The following PCDHA4 variants were observed in gnomAD, a reference collection of about 807,000 sequenced individuals.
PCDHA4 encodes the protein protocadherin alpha-4.
PCDHA4 carries 49 observed loss-of-function variants against 61.4 expected under a neutral mutation model. That is an observed-to-expected ratio of 0.80 (90% CI 0.63 to 1.01). The LOEUF (loss-of-function observed/expected upper bound fraction) is 1.01. PCDHA4 is among the 50% of genes least tolerant of loss of function. PCDHA4 has a pLI of 0.00. For synonymous variants in PCDHA4, 590 were observed against 550.3 expected (o/e 1.07, Z -1.01); for missense variants, 1,254 against 1,235.8 (o/e 1.01, Z -0.22).
At chr5:140,927,133 G>A (rs2083881073) in intron 1 of PCDHA4, 16 of 1,613,984 alleles carry the variant, frequency 9.9e-6, no homozygotes, top group Non-Finnish European at 1.4e-5. Context: ...CAGAGAGCCG[G>A]CGGACCGCGA....
At chr5:140,972,691 G>A (rs1213069719) in intron 1 of PCDHA4, among the ~76,000 whole-genome samples, 3 of 137,348 alleles carry the variant, frequency 2.2e-5, no homozygotes, top group Admixed American at 1.5e-4. Flanking sequence ...TTGAGATGGA[G>A]TCTCACTCTG....
chr5:140,823,029 G>A lies in PCDHA4; in HGVS notation c.2385+13457G>A, dbSNP rs2150121512. 5.3e-5 allele frequency: 85 copies of A among 1,614,220 alleles called. No homozygotes were observed. In the Middle Eastern group the frequency reaches 8.3e-4, roughly 16 times the overall value. On this transcript the variant is annotated intron_variant, in intron 1 of 3. Coordinates refer to ENST00000530339, the MANE Select transcript of PCDHA4 (RefSeq NM_018907.4). ...GCGCCCTGGACCGCGAGAGCGTGTC[G>A]GTCTATGAGCTGGTGGTGACCGCGC...
chr5:140,829,656 C>A (rs2150172140), intron 1 of PCDHA4: 1 of 1,612,578 alleles, frequency 6.2e-7, no homozygotes, highest in Admixed American at 1.7e-5. Context: ...GCGCTGCAGC[C>A]GCTGGACCAC....
In PCDHA4 at chr5:140,973,293, A is replaced by G. The variant is rs150966135; in HGVS notation, c.2386-5656A>G. Among the ~76,000 whole-genome samples, 103 of 152,230 alleles carry G rather than the reference A, an allele frequency of 6.8e-4. No homozygotes were observed. The East Asian group carries it at 0.019, about 27-fold the overall frequency. On this transcript the variant is annotated intron_variant, in intron 1 of 3. Transcript: ENST00000530339. ...TATTTCCCCCAGCACTGATTTTTCT[A>G]TCTGATGACTCTATCCTGGAACAGA...
rs202032784 is a variant in PCDHA4, at chr5:140,927,180, C to T, written c.2386-51769C>T. On this transcript the variant is annotated intron_variant, in intron 1 of 3. Coordinates refer to ENST00000530339, the MANE Select transcript of PCDHA4 (RefSeq NM_018907.4). ...GGGCCAAAGCTGCCTGCGTCTTGAC[C>T]TACGACCTGGTGCTCGAGGACCCGC... is the stretch of plus-strand genomic sequence containing the variant. 5 of 1,614,048 alleles carry T rather than the reference C, an allele frequency of 3.1e-6. No homozygotes were observed. The South Asian group carries it at 3.3e-5, about 11-fold the overall frequency.
At chr5:140,857,947 G>C in intron 1 of PCDHA4, 1 of 1,597,414 alleles carries the variant, frequency 6.3e-7, no homozygotes, top group Non-Finnish European at 8.6e-7. Flanking sequence ...TCAGTACGAC[G>C]CGCGCTCTGG....
intron 1 of PCDHA4, among the ~76,000 whole-genome samples, chr5:140,838,077 A>AGTGTGTGTGT (rs57130401): frequency 1.2e-5 from 1 of 80,662 alleles, no homozygotes; most frequent in Non-Finnish European, 2.4e-5. Flanking sequence ...ATATATATAT[A>AGTGTGTGTGT]GTGTGTGTGT....
intron 1 of PCDHA4, among the ~76,000 whole-genome samples, chr5:140,873,569 G>A (rs1419596036): frequency 6.7e-6 from 1 of 148,974 alleles, no homozygotes; most frequent in African/African-American, 2.4e-5. Context: ...TTCTAGTTTG[G>A]TTGTTTAAGT....
At chr5:140,966,313 C>T (rs1349194825) in intron 1 of PCDHA4, 18 of 386,704 alleles carry the variant, frequency 4.7e-5, no homozygotes, top group African/African-American at 2.5e-4. Flanking sequence ...CGTGTTCCTG[C>T]GGTCCGCTGG....
At chr5:140,944,995 T>A (rs246062) in intron 1 of PCDHA4, among the ~76,000 whole-genome samples, 85,717 of 151,900 alleles carry the variant, frequency 0.56, 24,795 homozygotes, top group African/African-American at 0.69. Flanking sequence ...TCTGTAACGG[T>A]TGTGGGTCAT....
chr5:141,011,104 C>A lies in PCDHA4; in HGVS notation c.*1167C>A, dbSNP rs1396728499. On this transcript the variant is annotated 3_prime_UTR_variant, in exon 4 of 4. Transcript: ENST00000530339. ...GATCTCTCTTTCTCTCTCTCTCTCT[C>A]TTTTCTAAGAAACAATTATGTGCAC... is the stretch of plus-strand genomic sequence containing the variant. 6.5e-6 allele frequency: 1 copy of A among 153,726 alleles called. No individual in the cohort carries two copies. The highest frequency in any genetic ancestry group is 1.5e-5 in the Non-Finnish European group (1 of 68,028). The allele number at this position is 153,726 out of a possible 1,614,324, so 9.5% of individuals were successfully genotyped here. A position where few individuals can be genotyped will look rare whatever the true frequency, so the allele number is the denominator to read the frequency against.
chr5:140,917,370 C>G (rs571895312), intron 1 of PCDHA4, among the ~76,000 whole-genome samples: 24 of 150,458 alleles, frequency 1.6e-4, no homozygotes, highest in African/African-American at 5.8e-4. Context: ...CTATCTTGCT[C>G]CACCTCAATA....
intron 1 of PCDHA4, among the ~76,000 whole-genome samples, chr5:140,976,093 A>G (rs782314077): frequency 6.6e-6 from 1 of 152,238 alleles, no homozygotes; most frequent in African/African-American, 2.4e-5. Context: ...TCAGTAGTCA[A>G]CTTTTCAACT....
At chr5:140,869,770 A>G in intron 1 of PCDHA4, 1 of 1,613,216 alleles carries the variant, frequency 6.2e-7, no homozygotes, top group South Asian at 1.1e-5. Flanking sequence ...ACCAGAGCTT[A>G]CTGGCACCGT....
intron 1 of PCDHA4, among the ~76,000 whole-genome samples, chr5:140,912,626 G>A (rs189482006): frequency 6.6e-6 from 1 of 152,190 alleles, no homozygotes; most frequent in East Asian, 1.9e-4. Context: ...CTCTGGATGA[G>A]ACTTTCAGTA....
intron 1 of PCDHA4, chr5:140,871,457 GGGAAAGACA>G (rs782304525): frequency 6.2e-7 from 1 of 1,605,688 alleles, no homozygotes; most frequent in Non-Finnish European, 8.5e-7. Flanking sequence ...GAGGAGGAAG[GGGAAAGACA>G]GGAGCCAGGG....
At position 141,010,202 on chromosome 5, in the gene PCDHA4, G is replaced by C; in HGVS notation, c.*265G>C. 6.4e-7 allele frequency: 1 copy of C among 1,551,944 alleles called. No homozygotes were observed. The highest frequency in any genetic ancestry group is 8.7e-7 in the Non-Finnish European group (1 of 1,147,050). The stretch of plus-strand genomic sequence containing the variant: ...CAGACCCAAGTTTCCTTTCTCCTCC[G>C]CCGCAAAGGAGAGGCTTCCCAGCCC... On this transcript the variant is annotated 3_prime_UTR_variant, in exon 4 of 4. Coordinates refer to ENST00000530339, the MANE Select transcript of PCDHA4 (RefSeq NM_018907.4).
Position 140,807,445 on chromosome 5 carries a change from G to C in PCDHA4, c.258G>C (p.Val86=), listed in dbSNP as rs1554124015. Residue 86 remains valine (V), a synonymous_variant, in exon 1 of 4, where the codon GTG becomes GTC. Transcript: ENST00000530339. The part of the protein sequence containing the change: ...EVNLQNGILF[V]NSRIDREELC... ...ATCTGCAGAATGGCATTTTGTTTGT[G>C]AATTCTCGGATCGACCGGGAGGAGC... The C allele has an allele frequency of 6.2e-7, 1 of 1,605,368 alleles. No homozygotes were observed. Among genetic ancestry groups the C allele is most frequent in the Admixed American group, 1.7e-5 (1 of 59,054 alleles).
chr5:140,858,380 C>G, intron 1 of PCDHA4: 1 of 1,583,962 alleles, frequency 6.3e-7, no homozygotes, highest in South Asian at 1.1e-5. Context: ...TCCACCATGC[C>G]CAATGGTAGA....
Sources: gnomAD v4.1 joint callset for allele counts (sites outside exome capture counted in the v4.1 genomes callset) on GRCh38, gnomAD v4.1.1 for gene constraint, MANE v1.5 for transcripts, NCBI Gene and HGNC (gene_info 2026-07-23, HGNC 2026-07-21) for gene names.